FAT3: variants seen among roughly 807,000 people sequenced by gnomAD.
FAT3 encodes the protein FAT atypical cadherin 3, also known as protocadherin Fat 3.
FAT3 carries 95 observed loss-of-function variants against 310.2 expected under a neutral mutation model. That is an observed-to-expected ratio of 0.31 (90% CI 0.26 to 0.36). The LOEUF is 0.36. Ranked by LOEUF, FAT3 falls within the 10% of genes least tolerant of loss-of-function variation. The pLI is 1.00. For missense variants in FAT3, 5,408 were observed against 5,715.6 expected (o/e 0.95, Z 1.74); for synonymous variants, 2,314 against 2,192.9 (o/e 1.06, Z -1.54).
chr11:92,613,011 T>C (rs1427527605), intron 3 of FAT3, among the ~76,000 whole-genome samples: 2 of 152,236 alleles, frequency 1.3e-5, no homozygotes, highest in Non-Finnish European at 2.9e-5. Context: ...GACGGGATCG[T>C]AGAGTAACCC....
intron 3 of FAT3, among the ~76,000 whole-genome samples, chr11:92,587,818 T>G (rs2135550883): frequency 1.3e-5 from 2 of 152,120 alleles, no homozygotes; most frequent in South Asian, 4.1e-4. Flanking sequence ...ATTATTTGCA[T>G]TTTTGAGGGA....
chr11:92,308,478 G>A (rs1374220194), intron 1 of FAT3, among the ~76,000 whole-genome samples: 1 of 151,924 alleles, frequency 6.6e-6, no homozygotes, highest in African/African-American at 2.4e-5. Context: ...CAAAACCAGA[G>A]AAAAAAATAC....
chr11:92,437,799 A>G (rs1453623719), intron 2 of FAT3, among the ~76,000 whole-genome samples: 1 of 152,144 alleles, frequency 6.6e-6, no homozygotes, highest in African/African-American at 2.4e-5. Context: ...TTGAAATTTG[A>G]TCATGGTCAG....
At chr11:92,868,595 T>A (rs1949305796) in intron 22 of FAT3, among the ~76,000 whole-genome samples, 1 of 152,124 alleles carries the variant, frequency 6.6e-6, no homozygotes, top group South Asian at 2.1e-4. Flanking sequence ...TTAAATTGGG[T>A]TGAAATAGAA....
intron 1 of FAT3, among the ~76,000 whole-genome samples, chr11:92,266,766 G>A (rs925602012): frequency 6.6e-6 from 1 of 152,068 alleles, no homozygotes; most frequent in African/African-American, 2.4e-5. Flanking sequence ...TGTTGGGATG[G>A]TGAATATTTG....
intron 3 of FAT3, among the ~76,000 whole-genome samples, chr11:92,534,575 A>G (rs1954187032): frequency 6.6e-6 from 1 of 152,202 alleles, no homozygotes; most frequent in African/African-American, 2.4e-5. Context: ...ATGTGACCTT[A>G]TTTGGTAAGG....
intron 4 of FAT3, among the ~76,000 whole-genome samples, chr11:92,705,594 GTGGTGGTGTGAT>G (rs1351291080): frequency 0.011 from 1 of 90 alleles, no homozygotes; most frequent in Non-Finnish European, 0.022. Flanking sequence ...GTGGTGTGAT[GTGGTGGTGTGAT>G]GTGGTGGTGG....
At chr11:92,456,283 A>G (rs1355349443) in intron 2 of FAT3, among the ~76,000 whole-genome samples, 2 of 152,324 alleles carry the variant, frequency 1.3e-5, no homozygotes, top group Non-Finnish European at 2.9e-5. Context: ...GCAATTAGCT[A>G]TTGTTTATAA....
rs1457162574 is a variant in FAT3, at chr11:92,378,096, A to AT, written c.3292+22693dup. On this transcript the variant is annotated intron_variant, in intron 2 of 27. Coordinates refer to ENST00000525166, the MANE Select transcript of FAT3 (RefSeq NM_001367949.2). ...ATTACAGTAGCTTACATTTTAAAAA[A>AT]TATTTGACTTTTAAATAATGTTCAC... 2.0e-5 allele frequency among the ~76,000 whole-genome samples: 3 copies of AT among 152,314 alleles called. No individual in the cohort carries two copies. In the East Asian group the frequency reaches 5.8e-4, roughly 29 times the overall value.
At chr11:92,243,504 T>C (rs540038666) in intron 1 of FAT3, among the ~76,000 whole-genome samples, 1 of 152,218 alleles carries the variant, frequency 6.6e-6, no homozygotes, top group South Asian at 2.1e-4. Context: ...GAAACTTGTC[T>C]TTTTCCTAAA....
At chr11:92,563,641 A>C (rs73552318) in intron 3 of FAT3, among the ~76,000 whole-genome samples, 2,104 of 152,160 alleles carry the variant, frequency 0.014, 58 homozygotes, top group African/African-American at 0.048. Flanking sequence ...AACCCAGCTT[A>C]AAATTCATAC....
At chr11:92,779,927 GA>G (rs1404647788) in intron 7 of FAT3, among the ~76,000 whole-genome samples, 2 of 152,070 alleles carry the variant, frequency 1.3e-5, no homozygotes, top group African/African-American at 4.8e-5. Context: ...CAGCCTTAAG[GA>G]GCTGAGAGAG....
In FAT3 at chr11:92,698,552, G is replaced by A. The variant is rs75646598; in HGVS notation, c.3669+1107G>A. Among the ~76,000 whole-genome samples the A allele has an allele frequency of 8.0e-4, 122 of 151,856 alleles. 3 individuals carry two copies. The East Asian group carries it at 0.022, about 27-fold the overall frequency. Reference sequence around the variant, plus strand: ...ATCAAACCTTCTGTTTTGTATCAACGTATTTTTAAAACTCTTAAAGCATTG... The same window carrying A: ...ATCAAACCTTCTGTTTTGTATCAACATATTTTTAAAACTCTTAAAGCATTG... On this transcript the variant is annotated intron_variant, in intron 4 of 27. Coordinates refer to ENST00000525166, the MANE Select transcript of FAT3 (RefSeq NM_001367949.2).
chr11:92,359,588 C>T (rs1441254272), intron 2 of FAT3, among the ~76,000 whole-genome samples: 4 of 149,436 alleles, frequency 2.7e-5, no homozygotes, highest in African/African-American at 9.9e-5. Flanking sequence ...ACTAACTCGT[C>T]ATCTAGCCTT....
At chr11:92,727,571 C>G (rs1190198000) in intron 4 of FAT3, among the ~76,000 whole-genome samples, 1 of 152,066 alleles carries the variant, frequency 6.6e-6, no homozygotes, top group Non-Finnish European at 1.5e-5. Context: ...GTGAAACAGA[C>G]AGGAGGACCA....
intron 1 of FAT3, among the ~76,000 whole-genome samples, chr11:92,324,766 G>A (rs1303271721): frequency 2.6e-5 from 4 of 152,248 alleles, no homozygotes; most frequent in Admixed American, 2.6e-4. Flanking sequence ...TCTGCAGTGT[G>A]CAATACAGTG....
chr11:92,245,232 A>C (rs1864849546), intron 1 of FAT3, among the ~76,000 whole-genome samples: 1 of 152,136 alleles, frequency 6.6e-6, no homozygotes, highest in African/African-American at 2.4e-5. Context: ...TCAGCAAACT[A>C]ACACAAGAAT....
At chr11:92,437,312 A>G (rs1950961268) in intron 2 of FAT3, among the ~76,000 whole-genome samples, 1 of 152,176 alleles carries the variant, frequency 6.6e-6, no homozygotes, top group Admixed American at 6.5e-5. Context: ...TAAATGTGAG[A>G]AAAGGCCAAG....
At position 92,893,851 on chromosome 11, in the gene FAT3, G is replaced by T. The variant is rs1358703036; in HGVS notation, c.*2738G>T. Reference sequence around the variant, plus strand: ...TCAGGCCAAGATGCTACTAGGTGGGGATGATCACTAATTCAAAAAAGCTGG... The same window carrying T: ...TCAGGCCAAGATGCTACTAGGTGGGTATGATCACTAATTCAAAAAAGCTGG... On this transcript the variant is annotated 3_prime_UTR_variant, in exon 28 of 28. Transcript: ENST00000525166. The T allele has an allele frequency of 6.6e-6, 1 of 152,154 alleles. No homozygotes were observed. Among genetic ancestry groups the T allele is most frequent in the Non-Finnish European group, 1.5e-5 (1 of 68,024 alleles). 9.4% of individuals were successfully genotyped at this position (152,154 alleles called of 1,614,324 possible). A position where few individuals can be genotyped will look rare whatever the true frequency, so the allele number is the denominator to read the frequency against.
Sources: gnomAD v4.1 joint callset for allele counts (sites outside exome capture counted in the v4.1 genomes callset) on GRCh38, gnomAD v4.1.1 for gene constraint, MANE v1.5 for transcripts, NCBI Gene and HGNC (gene_info 2026-07-23, HGNC 2026-07-21) for gene names.